The following TSR1 variants were observed in gnomAD, a reference collection of about 807,000 sequenced individuals.
TSR1 encodes the protein pre-rRNA-processing protein TSR1 homolog.
Under a neutral mutation model 90.9 loss-of-function variants are expected in TSR1, and 81 were observed. The observed-to-expected ratio is 0.89, with a 90% CI of 0.74 to 1.07. The LOEUF (loss-of-function observed/expected upper bound fraction) is 1.07, where lower values mean the gene tolerates loss of function less well. Ranked by LOEUF, TSR1 falls within the 50% of genes least tolerant of loss-of-function variation. The probability of loss-of-function intolerance (pLI) is 0.00; values close to 1 mark genes in which losing one functional copy is unlikely to be tolerated. For synonymous variants in TSR1, 362 were observed against 348.8 expected, an observed-to-expected ratio of 1.04 and a Z score of -0.42; for missense variants, 989 against 987.3, an observed-to-expected ratio of 1.00 and a Z score of -0.02.
intron 8 of TSR1, among the ~76,000 whole-genome samples, chr17:2,331,637 C>T (rs1290710008): frequency 1.3e-5 from 2 of 152,202 alleles, no homozygotes; most frequent in Non-Finnish European, 2.9e-5. Context: ...GATGCCAACA[C>T]CATGCTTCCT....
rs35343613 is a variant in TSR1, at chr17:2,324,361, G to T, written c.2250C>A (p.His750Gln). The change falls in exon 15 of 15, where the codon CAC becomes CAA. Residue 750 changes from histidine to glutamine, a missense_variant. Physicochemically the swap from His to Gln is conservative, Grantham distance 24. Transcript: ENST00000301364. ...HIKEPLGTHG[H>Q]MKCSFDGKLK... ...GCTTCCCATCAAAGCTGCATTTCAT[G>T]TGGCCATGGGTACCTAGAAAGACAT... The T allele has an allele frequency of 0.036, 56,226 of 1,564,034 alleles. 1,210 individuals are homozygous for T. Among genetic ancestry groups the T allele is most frequent in the Non-Finnish European group, 0.043 (49,512 of 1,158,494 alleles).
chr17:2,322,998 C>T lies in TSR1; in HGVS notation c.*1198G>A. The T allele has an allele frequency of 1.2e-6, 1 of 807,950 alleles. No individual in the cohort carries two copies. The highest frequency in any genetic ancestry group is 2.4e-5 in the Admixed American group (1 of 41,540). The allele number at this position is 807,950 out of a possible 1,614,324, so 50.0% of individuals were successfully genotyped here. On this transcript the variant is annotated 3_prime_UTR_variant, in exon 15 of 15. Transcript: ENST00000301364. The stretch of plus-strand genomic sequence containing the variant: ...CAGGCTGGTCTTGAACTCCTGACCT[C>T]AGCTGATCCACCCGCCTCGGGCTCC...
At chr17:2,327,446 C>T (rs988566013) in intron 11 of TSR1, among the ~76,000 whole-genome samples, 17 of 151,042 alleles carry the variant, frequency 1.1e-4, no homozygotes, top group African/African-American at 3.9e-4. Context: ...TTGTAGAGAC[C>T]GGAGTCTCAC....
chr17:2,330,053 G>A (rs2075595935), intron 10 of TSR1: 1 of 273,782 alleles, frequency 3.7e-6, no homozygotes, highest in Admixed American at 4.7e-5. Context: ...CCAAGTAGCT[G>A]GGATTACAGG....
At chr17:2,326,126 T>C (rs1304894142) in intron 11 of TSR1, among the ~76,000 whole-genome samples, 3 of 152,146 alleles carry the variant, frequency 2.0e-5, no homozygotes, top group Admixed American at 1.3e-4. Context: ...TAGACTGTAT[T>C]TGATGTTCTA....
intron 2 of TSR1, 139 bp downstream of exon 2, chr17:2,335,898 C>A: frequency 8.2e-7 from 1 of 1,215,772 alleles, no homozygotes. Context: ...GCAAAGAATG[C>A]TAGACCTGCA....
At chr17:2,326,571 T>C (rs1383173035) in intron 11 of TSR1, among the ~76,000 whole-genome samples, 3 of 152,164 alleles carry the variant, frequency 2.0e-5, no homozygotes, top group African/African-American at 7.2e-5. Flanking sequence ...TGAGAGACAG[T>C]GTCTCACTCT....
intron 8 of TSR1, among the ~76,000 whole-genome samples, chr17:2,331,823 T>TTCTTCAC (rs1368681478): frequency 6.6e-6 from 1 of 152,256 alleles, no homozygotes; most frequent in East Asian, 1.9e-4. Flanking sequence ...AATCATCTAC[T>TTCTTCAC]TCTTCACTCT....
chr17:2,330,592 C>T lies in TSR1; in HGVS notation c.1693G>A (p.Val565Ile), dbSNP rs769252083. 1.2e-6 allele frequency: 2 copies of T among 1,613,758 alleles called. No homozygotes were observed. The highest frequency in any genetic ancestry group is 1.7e-6 in the Non-Finnish European group (2 of 1,179,992). The change falls in exon 10 of 15, where the codon GTC (valine) becomes ATC (isoleucine). Residue 565 changes from valine (V) to isoleucine (I), a missense_variant. Val to Ile is a conservative substitution (Grantham distance 29). Transcript: ENST00000301364. The part of the protein sequence containing the change: ...GWYVTLHVSE[V>I]PVSVVECFRQ... ...AAGCACTCGACCACTGAGACGGGGA[C>T]TTCAGAGACATGAAGTGTGACATAC...
intron 7 of TSR1, among the ~76,000 whole-genome samples, 166 bp from the exon 8 acceptor site, chr17:2,332,525 A>G (rs1384319842): frequency 6.6e-6 from 1 of 152,236 alleles, no homozygotes; most frequent in African/African-American, 2.4e-5. Context: ...TGGCAACTAC[A>G]GAGTCATTCC....
Position 2,329,375 on chromosome 17 carries a change from C to T in TSR1, c.1871G>A (p.Arg624Gln), listed in dbSNP as rs151009560. Residue 624 changes from arginine to glutamine, a missense_variant, in exon 11 of 15, where the codon CGA becomes CAA. Arg to Gln is a conservative substitution (Grantham distance 43). Transcript: ENST00000301364. Reference sequence around the variant, plus strand: ...GTGCTGAGAGAATAAAGGTGAGGCTCGGAAGCGCCTGAATCCACAGTGAAA... The same window carrying T: ...GTGCTGAGAGAATAAAGGTGAGGCTTGGAAGCGCCTGAATCCACAGTGAAA... ...LIFHCGFRRF[R>Q]ASPLFSQHTA... 9.9e-5 allele frequency: 159 copies of T among 1,614,044 alleles called. No individual in the cohort carries two copies. The highest frequency in any genetic ancestry group is 8.2e-4 in the Middle Eastern group (5 of 6,084).
intron 11 of TSR1, among the ~76,000 whole-genome samples, chr17:2,326,298 C>T (rs2075575679): frequency 6.6e-6 from 1 of 152,250 alleles, no homozygotes; most frequent in Admixed American, 6.5e-5. Context: ...TCTTCATATT[C>T]CTCCTGCCAC....
intron 8 of TSR1, 97 bp downstream of exon 8, chr17:2,332,072 G>A (rs2064008568): frequency 1.4e-6 from 2 of 1,396,952 alleles, no homozygotes; most frequent in South Asian, 1.3e-5. Flanking sequence ...GAAAAAATGT[G>A]TTTTTCTTCT....
rs1365078383 is a variant in TSR1, at chr17:2,333,734, G to C, written c.982-18C>G. 7 of 1,613,478 alleles carry C rather than the reference G, an allele frequency of 4.3e-6. No individual in the cohort carries two copies. Among genetic ancestry groups the C allele is most frequent in the Non-Finnish European group, 5.1e-6 (6 of 1,179,756 alleles). ...GCACAAATCTGAAAACCAAAAGCAG[G>C]TGATAGTCAACCATGAACCAAAAAT... On this transcript the variant is annotated intron_variant, in intron 5 of 14. Coordinates refer to ENST00000301364, the MANE Select transcript of TSR1 (RefSeq NM_018128.5).
intron 5 of TSR1, 125 bp from the exon 6 acceptor site, chr17:2,333,841 C>T: frequency 8.4e-7 from 1 of 1,188,072 alleles, no homozygotes; most frequent in Non-Finnish European, 1.2e-6. Context: ...AATGCTAAAA[C>T]TTGTCAAAAC....
At chr17:2,332,082 T>C (rs2064008623) in intron 8 of TSR1, 87 bp downstream of exon 8, 1 of 1,487,554 alleles carries the variant, frequency 6.7e-7, no homozygotes, top group Non-Finnish European at 9.1e-7. Flanking sequence ...GTTTTTCTTC[T>C]TTTGCATCAC....
In TSR1 at chr17:2,323,366, G is replaced by A; in HGVS notation, c.*830C>T. 1 of 1,613,466 alleles carries A rather than the reference G, an allele frequency of 6.2e-7. No individual in the cohort carries two copies. ...TTAAGGTGAGGCTCCAGCAAGAAAAGAAATAGCAAAGCATGGTGTAACTTC... is the reference window on the plus strand; with the variant it reads ...TTAAGGTGAGGCTCCAGCAAGAAAAAAAATAGCAAAGCATGGTGTAACTTC... On this transcript the variant is annotated 3_prime_UTR_variant, in exon 15 of 15. Transcript: ENST00000301364.
At chr17:2,333,221 C>G in intron 6 of TSR1, 97 bp from the exon 7 acceptor site, 1 of 1,383,518 alleles carries the variant, frequency 7.2e-7, no homozygotes, top group Non-Finnish European at 1.0e-6. Flanking sequence ...CTGCTGCCAA[C>G]ATGGGAAATT....
chr17:2,327,228 C>A (rs1235388193), intron 11 of TSR1, among the ~76,000 whole-genome samples: 2 of 151,944 alleles, frequency 1.3e-5, no homozygotes, highest in African/African-American at 4.8e-5. Flanking sequence ...AACAGACTGG[C>A]CAACTTGGTG....
Sources: gnomAD v4.1 joint callset for allele counts (sites outside exome capture counted in the v4.1 genomes callset) on GRCh38, gnomAD v4.1.1 for gene constraint, MANE v1.5 for transcripts, NCBI Gene and HGNC (gene_info 2026-07-23, HGNC 2026-07-21) for gene names.